Variants in ADD2 observed in about 807,000 individuals in gnomAD.
ADD2 encodes adducin 2.
In ADD2, 23 loss-of-function variants were observed where a neutral mutation model predicts 83.0. The observed-to-expected ratio is 0.28, with a 90% CI of 0.20 to 0.39. ADD2 has a LOEUF of 0.39. Ranked by LOEUF, ADD2 falls within the 10% of genes least tolerant of loss-of-function variation. ADD2 has a pLI of 1.00. For synonymous variants in ADD2, 375 were observed against 375.4 expected (o/e 1.00, Z 0.01); for missense variants, 758 against 944.9 (o/e 0.80, Z 2.59).
intron 4 of ADD2, among the ~76,000 whole-genome samples, chr2:70,698,101 C>T (rs1379755349): frequency 1.3e-5 from 2 of 152,204 alleles, no homozygotes; most frequent in Admixed American, 6.5e-5. Flanking sequence ...TGCCTAGCAG[C>T]GAGGAGGGCA....
chr2:70,747,325 G>T (rs1033920772), intron 1 of ADD2, among the ~76,000 whole-genome samples: 12 of 152,048 alleles, frequency 7.9e-5, no homozygotes, highest in Admixed American at 6.5e-5. Flanking sequence ...GTCCAATATG[G>T]ATTTAAACAA....
At chr2:70,673,239 AC>A in intron 14 of ADD2, 1 of 1,613,938 alleles carries the variant, frequency 6.2e-7, no homozygotes, top group African/African-American at 1.3e-5. Flanking sequence ...AAACACACCT[AC>A]CAATATGTTA....
At chr2:70,671,023 C>A (rs1194726233) in intron 15 of ADD2, among the ~76,000 whole-genome samples, 1 of 152,226 alleles carries the variant, frequency 6.6e-6, no homozygotes, top group Non-Finnish European at 1.5e-5. Flanking sequence ...CATGCCCTTC[C>A]TGGCCCTTGT....
intron 1 of ADD2, among the ~76,000 whole-genome samples, chr2:70,747,144 G>C (rs926821807): frequency 3.3e-5 from 5 of 151,680 alleles, no homozygotes; most frequent in African/African-American, 1.2e-4. Flanking sequence ...CCGAGTAGCT[G>C]GGACTACAGG....
chr2:70,690,288 G>A (rs1457720519), intron 8 of ADD2, among the ~76,000 whole-genome samples: 1 of 152,076 alleles, frequency 6.6e-6, no homozygotes, highest in Non-Finnish European at 1.5e-5. Flanking sequence ...GTAGAGACAG[G>A]GTTTGGCCAT....
intron 11 of ADD2, among the ~76,000 whole-genome samples, chr2:70,678,250 T>A (rs1670276451): frequency 6.6e-6 from 1 of 152,242 alleles, no homozygotes; most frequent in Admixed American, 6.5e-5. Context: ...GGCTGTTGGC[T>A]ACTTTTATGT....
At chr2:70,670,799 C>T (rs1553366935) in intron 15 of ADD2, among the ~76,000 whole-genome samples, 3 of 152,160 alleles carry the variant, frequency 2.0e-5, no homozygotes, top group African/African-American at 7.2e-5. Context: ...ACCGGGCTCC[C>T]CACCCAACTA....
At chr2:70,704,189 A>G in intron 4 of ADD2, 132 bp downstream of exon 4, 1 of 1,220,634 alleles carries the variant, frequency 8.2e-7, no homozygotes, top group Non-Finnish European at 1.1e-6. Flanking sequence ...TGAGCTCCCC[A>G]AGGCCTGATA....
At chr2:70,685,918 C>G (rs1670698843) in intron 9 of ADD2, among the ~76,000 whole-genome samples, 1 of 152,236 alleles carries the variant, frequency 6.6e-6, no homozygotes, top group African/African-American at 2.4e-5. Flanking sequence ...AGGGAGCTGC[C>G]TCTCTCAGCA....
Position 70,768,056 on chromosome 2 carries a change from A to G in ADD2, c.-324T>C. The stretch of plus-strand genomic sequence containing the variant: ...CGTCAGAGCTGCTGGGAGATCCCCC[A>G]GCAGTGCAGCGGCTCCGCGGCGGCG... On this transcript the variant is annotated 5_prime_UTR_variant, in exon 1 of 16. Transcript: ENST00000264436. 7.4e-7 allele frequency: 1 copy of G among 1,343,538 alleles called. No homozygotes were observed. Among genetic ancestry groups the G allele is most frequent in the East Asian group, 2.5e-5 (1 of 39,428 alleles). The allele number at this position is 1,343,538 out of a possible 1,614,324, so 83.2% of individuals were successfully genotyped here.
At chr2:70,699,601 G>C (rs1375580287) in intron 4 of ADD2, among the ~76,000 whole-genome samples, 1 of 152,042 alleles carries the variant, frequency 6.6e-6, no homozygotes, top group Non-Finnish European at 1.5e-5. Context: ...GCAACACAGT[G>C]AGAACTCGTC....
intron 2 of ADD2, chr2:70,711,356 GT>G (rs1672166339): frequency 6.6e-6 from 1 of 152,014 alleles, no homozygotes; most frequent in Non-Finnish European, 1.5e-5. Context: ...TAGGCCCTTG[GT>G]TTCAAGGAAG....
intron 15 of ADD2, among the ~76,000 whole-genome samples, chr2:70,667,054 C>A (rs1675831198): frequency 6.6e-6 from 1 of 152,132 alleles, no homozygotes; most frequent in Admixed American, 6.5e-5. Flanking sequence ...TAGCCTAGAC[C>A]CCTCCTCTGT....
intron 1 of ADD2, among the ~76,000 whole-genome samples, chr2:70,747,682 ATCCTG>A (rs1278544319): frequency 1.3e-5 from 2 of 152,196 alleles, no homozygotes; most frequent in Admixed American, 1.3e-4. Flanking sequence ...AGAGAAACCC[ATCCTG>A]TCTTCTGCTA....
At chr2:70,703,762 C>A (rs1450581871) in intron 4 of ADD2, among the ~76,000 whole-genome samples, 8 of 152,128 alleles carry the variant, frequency 5.3e-5, no homozygotes, top group African/African-American at 1.9e-4. Context: ...AAAAAAAGGA[C>A]TGGAAGGATA....
intron 15 of ADD2, among the ~76,000 whole-genome samples, chr2:70,663,945 C>T (rs1201659188): frequency 6.6e-6 from 1 of 152,072 alleles, no homozygotes; most frequent in Admixed American, 6.5e-5. Flanking sequence ...GGGAACACCC[C>T]CTTGCAGGCT....
Position 70,661,821 on chromosome 2 carries a change from T to C in ADD2, c.*1604A>G, listed in dbSNP as rs1248213323. 6.6e-6 allele frequency: 1 copy of C among 152,254 alleles called. No homozygotes were observed. The highest frequency in any genetic ancestry group is 1.5e-5 in the Non-Finnish European group (1 of 68,052). The allele number at this position is 152,254 out of a possible 1,614,324, so 9.4% of individuals were successfully genotyped here. On this transcript the variant is annotated 3_prime_UTR_variant, in exon 16 of 16. Coordinates refer to ENST00000264436, the MANE Select transcript of ADD2 (RefSeq NM_001617.4). ...ATTAAAGTTGTCTGTTCACCATAGCTGTTAAGAGCAAGGGCTCTGGACTCA... is the reference window on the plus strand; with the variant it reads ...ATTAAAGTTGTCTGTTCACCATAGCCGTTAAGAGCAAGGGCTCTGGACTCA...
intron 9 of ADD2, among the ~76,000 whole-genome samples, chr2:70,686,756 C>T (rs536753042): frequency 1.3e-5 from 2 of 152,140 alleles, no homozygotes; most frequent in Non-Finnish European, 1.5e-5. Flanking sequence ...CAGCCGGAGG[C>T]GCTACATCAC....
chr2:70,764,715 T>C (rs1574338796), intron 1 of ADD2, among the ~76,000 whole-genome samples: 1 of 151,624 alleles, frequency 6.6e-6, no homozygotes, highest in Admixed American at 6.6e-5. Flanking sequence ...GCCCAGGAGG[T>C]CCCGGCTACA....
Sources: allele counts gnomAD v4.1 joint callset (sites outside exome capture counted in the v4.1 genomes callset), GRCh38; gene constraint gnomAD v4.1.1; transcripts MANE v1.5; gene names NCBI Gene and HGNC (gene_info 2026-07-23, HGNC 2026-07-21).